SPIDR: variants seen among roughly 807,000 people sequenced by gnomAD.
The protein encoded by SPIDR is scaffold protein involved in DNA repair.
In SPIDR, 93 loss-of-function variants were observed where a neutral mutation model predicts 104.6. The ratio of observed to expected loss-of-function variants is 0.89; its 90% confidence interval spans 0.75 to 1.06. The LOEUF is 1.06. Among genes scored for constraint, SPIDR ranks in the 50% least tolerant of loss-of-function variants. SPIDR has a pLI of 0.00. For missense variants in SPIDR, 1,154 were observed against 1,111.2 expected, an observed-to-expected ratio of 1.04 and a Z score of -0.55; for synonymous variants, 431 against 416.9, an observed-to-expected ratio of 1.03 and a Z score of -0.41.
At chr8:47,410,783 A>G (rs975989113) in intron 7 of SPIDR, among the ~76,000 whole-genome samples, 2 of 152,058 alleles carry the variant, frequency 1.3e-5, no homozygotes, top group Non-Finnish European at 2.9e-5. Context: ...AGCATTACAT[A>G]TATCTCCTAA....
intron 8 of SPIDR, among the ~76,000 whole-genome samples, chr8:47,521,988 A>AC (rs1433826594): frequency 6.6e-6 from 1 of 151,130 alleles, no homozygotes; most frequent in Non-Finnish European, 1.5e-5. Flanking sequence ...ACATGGTGAA[A>AC]CCCCGTGTCT....
At chr8:47,716,159 C>T (rs1319560503) in intron 16 of SPIDR, among the ~76,000 whole-genome samples, 4 of 151,922 alleles carry the variant, frequency 2.6e-5, no homozygotes, top group African/African-American at 9.7e-5. Flanking sequence ...GAGATTTTGC[C>T]GTGTTGGCCA....
chr8:47,566,561 T>C (rs2154403746), intron 8 of SPIDR, among the ~76,000 whole-genome samples: 1 of 152,254 alleles, frequency 6.6e-6, no homozygotes, highest in South Asian at 2.1e-4. Context: ...GAAAGAGATT[T>C]CATAACTCTA....
At chr8:47,500,003 T>G (rs1428596396) in intron 8 of SPIDR, among the ~76,000 whole-genome samples, 2 of 152,230 alleles carry the variant, frequency 1.3e-5, no homozygotes, top group Non-Finnish European at 2.9e-5. Flanking sequence ...TAGTATTCCA[T>G]GGTGTATATG....
At chr8:47,443,831 G>C (rs1277937436) in intron 8 of SPIDR, among the ~76,000 whole-genome samples, 1 of 151,618 alleles carries the variant, frequency 6.6e-6, no homozygotes, top group Non-Finnish European at 1.5e-5. Context: ...ATAAATATGA[G>C]TTTAGGTACA....
intron 8 of SPIDR, among the ~76,000 whole-genome samples, chr8:47,510,001 G>A (rs746627749): frequency 4.1e-4 from 63 of 152,076 alleles, no homozygotes; most frequent in Non-Finnish European, 1.6e-4. Context: ...TTTGTGTCAT[G>A]TCAAATGTTG....
chr8:47,264,112 T>C lies in SPIDR; in HGVS notation c.33+3121T>C, dbSNP rs536489226. On this transcript the variant is annotated intron_variant, in intron 1 of 19. Coordinates refer to ENST00000297423, the MANE Select transcript of SPIDR (RefSeq NM_001080394.4). ...CGGATATCTGCCTCAGCAGTACAGC[T>C]GAATGATTTTGCAGTTTTGGACAAG... Among the ~76,000 whole-genome samples the C allele has an allele frequency of 2.6e-4, 39 of 152,312 alleles. No individual in the cohort carries two copies. The South Asian group carries it at 7.9e-3, about 31-fold the overall frequency.
chr8:47,290,163 C>T (rs1020307268), intron 3 of SPIDR, among the ~76,000 whole-genome samples: 1 of 152,160 alleles, frequency 6.6e-6, no homozygotes, highest in African/African-American at 2.4e-5. Context: ...CCTCAGCCCC[C>T]CCTGAGTAGC....
intron 10 of SPIDR, among the ~76,000 whole-genome samples, chr8:47,651,352 C>T (rs1250899073): frequency 6.6e-6 from 1 of 152,126 alleles, no homozygotes; most frequent in East Asian, 1.9e-4. Context: ...AAAAAATGCT[C>T]AACATCACTA....
rs587733447 is a variant in SPIDR at position 47,316,667 on chromosome 8, G to A, written c.525+22637G>A. ...CAGGCAAAATTGATACATAATGGAAGAAAAAGCAGTGCTGTCTTCGATAGT... is the reference window on the plus strand; with the variant it reads ...CAGGCAAAATTGATACATAATGGAAAAAAAAGCAGTGCTGTCTTCGATAGT... On this transcript the variant is annotated intron_variant, in intron 5 of 19. Transcript: ENST00000297423. 4.6e-5 allele frequency among the ~76,000 whole-genome samples: 7 copies of A among 152,266 alleles called. No homozygotes were observed. The East Asian group carries it at 1.4e-3, about 29-fold the overall frequency.
intron 10 of SPIDR, among the ~76,000 whole-genome samples, chr8:47,620,564 G>A (rs1215034268): frequency 6.6e-6 from 1 of 150,782 alleles, no homozygotes; most frequent in Non-Finnish European, 1.5e-5. Context: ...CACCGCACCC[G>A]GCCCATTTAA....
rs2064758925 is a variant in SPIDR at position 47,619,084 on chromosome 8, G to A, written c.1544+19888G>A. Among the ~76,000 whole-genome samples, 4 of 152,226 alleles carry A rather than the reference G, an allele frequency of 2.6e-5. No homozygotes were observed. The South Asian group carries it at 8.3e-4, about 31-fold the overall frequency. ...TTTGAATTTTGAACTATGTGAATGG[G>A]TTACCTGTGTTAAAAATTAGCCTTT... is the stretch of plus-strand genomic sequence containing the variant. On this transcript the variant is annotated intron_variant, in intron 10 of 19. Coordinates refer to ENST00000297423, the MANE Select transcript of SPIDR (RefSeq NM_001080394.4).
chr8:47,565,671 A>G (rs1162240790), intron 8 of SPIDR, among the ~76,000 whole-genome samples: 1 of 151,682 alleles, frequency 6.6e-6, no homozygotes, highest in Non-Finnish European at 1.5e-5. Context: ...TTGCAATTAA[A>G]TTAGCCATGC....
chr8:47,710,873 G>T (rs1488585683), intron 14 of SPIDR, among the ~76,000 whole-genome samples: 1 of 151,918 alleles, frequency 6.6e-6, no homozygotes, highest in African/African-American at 2.4e-5. Flanking sequence ...TTGACCTCTT[G>T]GGCCCAAGCA....
chr8:47,565,927 C>T (rs2057730891), intron 8 of SPIDR, among the ~76,000 whole-genome samples: 1 of 127,838 alleles, frequency 7.8e-6, no homozygotes, highest in Admixed American at 9.4e-5. Context: ...CCACCATATA[C>T]CAGGTATATT....
At chr8:47,631,074 G>A (rs867093887) in intron 10 of SPIDR, among the ~76,000 whole-genome samples, 2 of 152,194 alleles carry the variant, frequency 1.3e-5, no homozygotes, top group Non-Finnish European at 1.5e-5. Context: ...GAGAGACAGC[G>A]ATGAAGAGGC....
At chr8:47,676,207 G>A (rs952974859) in intron 11 of SPIDR, among the ~76,000 whole-genome samples, 1 of 152,184 alleles carries the variant, frequency 6.6e-6, no homozygotes, top group African/African-American at 2.4e-5. Flanking sequence ...ACATTTACAT[G>A]GGAAATGTTT....
intron 1 of SPIDR, among the ~76,000 whole-genome samples, chr8:47,279,006 C>G (rs1448865205): frequency 3.3e-5 from 5 of 151,966 alleles, no homozygotes; most frequent in African/African-American, 1.2e-4. Context: ...CCTGGTTCAG[C>G]CTCCTGAGTA....
At chr8:47,347,796 T>G (rs1440907976) in intron 5 of SPIDR, among the ~76,000 whole-genome samples, 1 of 152,212 alleles carries the variant, frequency 6.6e-6, no homozygotes, top group Non-Finnish European at 1.5e-5. Flanking sequence ...GTTTTCCGTT[T>G]GCTTGGTAGA....
Sources: allele counts gnomAD v4.1 joint callset (sites outside exome capture counted in the v4.1 genomes callset), GRCh38; gene constraint gnomAD v4.1.1; transcripts MANE v1.5; gene names NCBI Gene and HGNC (gene_info 2026-07-23, HGNC 2026-07-21).